NLRP12: variants seen among roughly 807,000 people sequenced by gnomAD.
NLRP12 encodes NACHT, LRR and PYD domains-containing protein 12.
A neutral mutation model predicts 91.2 loss-of-function variants in NLRP12; 108 were observed. The ratio of observed to expected loss-of-function variants is 1.18; its 90% CI spans 1.01 to 1.39. The LOEUF is 1.39. Among genes scored for constraint, NLRP12 ranks in the 40% most tolerant of loss-of-function variants. The pLI is 0.00. For synonymous variants in NLRP12, 613 were observed against 566.7 expected, an observed-to-expected ratio of 1.08 and a Z score of -1.16; for missense variants, 1,530 against 1,352.7, an observed-to-expected ratio of 1.13 and a Z score of -2.06.
Position 53,809,877 on chromosome 19 carries a change from C to G in NLRP12, c.1782G>C (p.Trp594Cys). Residue 594 changes from tryptophan to cysteine, a missense_variant, in exon 3 of 10, where the codon TGG (tryptophan) becomes TGC (cysteine). Transcript: ENST00000324134. ...SPHIKMDLLQ[W>C]IQSKAQSDGS... is the part of the protein sequence containing the mutation. ...CGTCGCTCTGAGCTTTGCTTTGGAT[C>G]CACTGCAACAGGTCCATCTTGATGT... 1 of 1,614,124 alleles carries G rather than the reference C, an allele frequency of 6.2e-7. No homozygotes were observed. Among genetic ancestry groups the G allele is most frequent in the Non-Finnish European group, 8.5e-7 (1 of 1,180,044 alleles).
In NLRP12 at chr19:53,798,269, A is replaced by C. The variant is rs1422802865; in HGVS notation, c.2901T>G (p.His967Gln). 1 of 1,614,142 alleles carries C rather than the reference A, an allele frequency of 6.2e-7. No individual in the cohort carries two copies. The highest frequency in any genetic ancestry group is 1.1e-5 in the South Asian group (1 of 91,088). The change falls in exon 8 of 10, where the codon CAT becomes CAG. Residue 967 changes from histidine to glutamine, a missense_variant. By Grantham distance (24) the His-to-Gln change is conservative. Transcript: ENST00000324134. ...ACAGTTTCTGGAGTCTGCAGGCGGG[A>C]TGTTGCAGCCCCTCAGCCAGCAACC... is the stretch of plus-strand genomic sequence containing the variant. ...GLWLLAEGLQ[H>Q]PACRLQKLWL... is the part of the protein sequence containing the mutation.
At chr19:53,795,736 A>T in intron 9 of NLRP12, 123 bp downstream of exon 9, 1 of 859,466 alleles carries the variant, frequency 1.2e-6, no homozygotes, top group Non-Finnish European at 1.9e-6. Flanking sequence ...ATGTGGCCTC[A>T]TCTGTATGCC....
rs768588697 is a variant in NLRP12, at chr19:53,804,025, C to T, written c.2512G>A (p.Ala838Thr). 2 of 1,614,130 alleles carry T rather than the reference C, an allele frequency of 1.2e-6. No individual in the cohort carries two copies. The highest frequency in any genetic ancestry group is 1.7e-6 in the Non-Finnish European group (2 of 1,180,014). ...AACCTCAGGCCCAAATCCTCCAGTG[C>T]ATTTCCTGTCAGGTCCAACTCAACC... ...HLVELDLTGN[A>T]LEDLGLRLLC... Residue 838 changes from alanine (A) to threonine (T), a missense_variant, in exon 6 of 10, where the codon GCA (alanine) becomes ACA (threonine). Coordinates refer to ENST00000324134, the MANE Select transcript of NLRP12 (RefSeq NM_144687.4).
At chr19:53,815,260 G>T (rs776340841) in intron 1 of NLRP12, among the ~76,000 whole-genome samples, 1 of 114,572 alleles carries the variant, frequency 8.7e-6, no homozygotes, top group Non-Finnish European at 1.7e-5. Context: ...ACGGAGTCTT[G>T]CTCTGTTGCC....
rs1568696425 is a variant in NLRP12 at position 53,819,604 on chromosome 19, TATATGTATGTATACGTATATAC to T, written c.289+4260_289+4281del. ...ATGTATGTATACGTATATACGCATA[TATATGTATGTATACGTATATAC>T]GCGTATATATGTATGTATACGTATA... On this transcript the variant is annotated intron_variant, in intron 1 of 9. Coordinates refer to ENST00000324134, the MANE Select transcript of NLRP12 (RefSeq NM_144687.4). 2.2e-3 allele frequency among the ~76,000 whole-genome samples: 138 copies of T among 63,912 alleles called. 22 individuals carry two copies. Among genetic ancestry groups the T allele is most frequent in the Middle Eastern group, 6.5e-3 (1 of 154 alleles). The allele number at this position is 63,912 out of a possible 152,430, so 41.9% of individuals were successfully genotyped here. A position where few individuals can be genotyped will look rare whatever the true frequency, so the allele number is the denominator to read the frequency against.
intron 6 of NLRP12, among the ~76,000 whole-genome samples, chr19:53,803,044 C>T (rs2091899680): frequency 6.6e-6 from 1 of 152,166 alleles, no homozygotes; most frequent in South Asian, 2.1e-4. Context: ...CCACCGCGCC[C>T]TGCCCTTCTG....
chr19:53,809,751 G>A lies in NLRP12; in HGVS notation c.1908C>T (p.Ile636=). The change falls in exon 3 of 10, where the codon ATC becomes ATT. Residue 636 remains isoleucine, a synonymous_variant. Transcript: ENST00000324134. The part of the protein sequence containing the change: ...IQQALSHFQV[I]VVSNIASKME... ...TCTTGGAGGCAATGTTGCTGACCACGATCACCTGGAAGTGGCTCAGGGCCT... is the reference window on the plus strand; with the variant it reads ...TCTTGGAGGCAATGTTGCTGACCACAATCACCTGGAAGTGGCTCAGGGCCT... 6.2e-7 allele frequency: 1 copy of A among 1,614,130 alleles called. No homozygotes were observed. Among genetic ancestry groups the A allele is most frequent in the Non-Finnish European group, 8.5e-7 (1 of 1,180,034 alleles).
At chr19:53,800,579 A>AC (rs1265997901) in intron 7 of NLRP12, among the ~76,000 whole-genome samples, 54 of 114,670 alleles carry the variant, frequency 4.7e-4, no homozygotes, top group South Asian at 2.5e-3. Context: ...GCGTCAGAAA[A>AC]CCCCCCCCTT....
Position 53,795,869 on chromosome 19 carries a change from G to A in NLRP12, c.3088C>T (p.Arg1030Ter), listed in dbSNP as rs201619538. Residue 1030 changes from arginine to a stop codon, truncating the protein, a stop_gained, in exon 9 of 10, where the codon CGA becomes TGA. Transcript: ENST00000324134. LOFTEE classifies it low-confidence loss of function (END_TRUNC). ...GTCATCATCCCTCACCAGAGGACTC[G>A]GAGTTTGCAGCCAGGATGGCTCAGC... ...KRLSHPGCKL[R>*]VLWLFGMDLN... 3.8e-5 allele frequency: 62 copies of A among 1,614,032 alleles called. No individual in the cohort carries two copies. Among genetic ancestry groups the A allele is most frequent in the East Asian group, 1.6e-4 (7 of 44,878 alleles).
chr19:53,807,137 G>A (rs919895366), intron 4 of NLRP12, among the ~76,000 whole-genome samples: 5 of 151,972 alleles, frequency 3.3e-5, no homozygotes, highest in East Asian at 3.9e-4. Context: ...GCACAATCCC[G>A]GCTCACTGCA....
intron 1 of NLRP12, among the ~76,000 whole-genome samples, chr19:53,823,599 G>T (rs1021668678): frequency 2.0e-5 from 3 of 148,862 alleles, no homozygotes; most frequent in Non-Finnish European, 3.0e-5. Flanking sequence ...CCTAGGCTGG[G>T]GTGCAGTGGC....
At chr19:53,802,345 T>C (rs1299378340) in intron 6 of NLRP12, among the ~76,000 whole-genome samples, 2 of 151,974 alleles carry the variant, frequency 1.3e-5, no homozygotes, top group Non-Finnish European at 2.9e-5. Flanking sequence ...CAATAATCAT[T>C]GGGGAAATAC....
intron 5 of NLRP12, 25 bp from the exon 6 acceptor site, chr19:53,804,147 G>C (rs775705864): frequency 6.2e-7 from 1 of 1,612,938 alleles, no homozygotes; most frequent in Non-Finnish European, 8.5e-7. Context: ...GAGGTTGAAG[G>C]GGACGCCATC....
In NLRP12 at chr19:53,810,012, C is replaced by G. The variant is rs2092036864; in HGVS notation, c.1647G>C (p.Ala549=). 6 of 1,614,116 alleles carry G rather than the reference C, an allele frequency of 3.7e-6. No homozygotes were observed. The highest frequency in any genetic ancestry group is 2.2e-5 in the South Asian group (2 of 91,082). The change falls in exon 3 of 10, where the codon GCG becomes GCC. Residue 549 remains alanine, a synonymous_variant. Coordinates refer to ENST00000324134, the MANE Select transcript of NLRP12 (RefSeq NM_144687.4). ...GTGCCAGGAAGCTCCTTTCAGAAAA[C>G]GCGTACTCGGTCAACAGCCTGGTCA... ...QDVTRLLTEY[A]FSERSFLALT... is the part of the protein sequence containing the mutation.
At chr19:53,823,804 C>A in intron 1 of NLRP12, 82 bp downstream of exon 1, 1 of 1,509,788 alleles carries the variant, frequency 6.6e-7, no homozygotes. Flanking sequence ...CCCTCTTCAG[C>A]CTCCCAAAGT....
At chr19:53,823,817 T>G in intron 1 of NLRP12, 69 bp downstream of exon 1, 340 of 1,555,892 alleles carry the variant, frequency 2.2e-4, no homozygotes, top group Non-Finnish European at 2.8e-4. Flanking sequence ...CCCAAAGTGC[T>G]GAGATTACAG....
At chr19:53,823,844 C>T (rs764646197) in intron 1 of NLRP12, 42 bp downstream of exon 1, 3 of 1,610,716 alleles carry the variant, frequency 1.9e-6, no homozygotes, top group South Asian at 2.2e-5. Context: ...GTCACTGGAC[C>T]CGGCTGGCAT....
intron 6 of NLRP12, chr19:53,803,707 G>C (rs138540307): frequency 9.6e-5 from 45 of 470,646 alleles, no homozygotes; most frequent in African/African-American, 7.4e-4. Flanking sequence ...CTGAGTAGCT[G>C]TGATTACAGG....
rs996498374 is a variant in NLRP12 at position 53,823,779 on chromosome 19, A to C, written c.289+107T>G. On this transcript the variant is annotated intron_variant, in intron 1 of 9. Transcript: ENST00000324134. ...TGTCCAGACTGGTCTTGAACTCCTC[A>C]CCTCAAGTGATCTGCCCTCTTCAGC... 2.3e-5 allele frequency: 29 copies of C among 1,277,150 alleles called. No individual in the cohort carries two copies. In the East Asian group the frequency reaches 6.5e-4, roughly 28 times the overall value. The allele number at this position is 1,277,150 out of a possible 1,614,324, so 79.1% of individuals were successfully genotyped here. A position where few individuals can be genotyped will look rare whatever the true frequency, so the allele number is the denominator to read the frequency against.
Sources: gnomAD v4.1 joint callset for allele counts (sites outside exome capture counted in the v4.1 genomes callset) on GRCh38, gnomAD v4.1.1 for gene constraint, MANE v1.5 for transcripts, NCBI Gene and HGNC (gene_info 2026-07-23, HGNC 2026-07-21) for gene names.